ANO3: variants seen among roughly 807,000 people sequenced by gnomAD.
ANO3 encodes the protein anoctamin 3.
In ANO3, 99 loss-of-function variants were observed where a neutral mutation model predicts 144.8. The ratio of observed to expected loss-of-function variants is 0.68; its 90% confidence interval spans 0.58 to 0.81. ANO3 has a LOEUF of 0.81. Ranked by LOEUF, ANO3 falls within the 30% of genes least tolerant of loss-of-function variation. The pLI is 0.00. For missense variants in ANO3, 905 were observed against 1,202.2 expected, an observed-to-expected ratio of 0.75 and a Z score of 3.66; for synonymous variants, 414 against 392.6, an observed-to-expected ratio of 1.05 and a Z score of -0.64.
chr11:26,273,381 C>G (rs1208854501), intron 1 of ANO3, among the ~76,000 whole-genome samples: 1 of 151,652 alleles, frequency 6.6e-6, no homozygotes, highest in East Asian at 1.9e-4. Flanking sequence ...CTTTAAGGCT[C>G]ATTACACATG....
intron 1 of ANO3, among the ~76,000 whole-genome samples, chr11:26,383,461 A>G (rs1856640076): frequency 6.9e-6 from 1 of 145,902 alleles, no homozygotes; most frequent in South Asian, 2.1e-4. Flanking sequence ...TTCAACAATC[A>G]TGTTAGATTG....
At chr11:26,588,982 G>A (rs538820492) in intron 14 of ANO3, among the ~76,000 whole-genome samples, 3 of 152,168 alleles carry the variant, frequency 2.0e-5, no homozygotes, top group African/African-American at 7.2e-5. Flanking sequence ...TCTTTTAGTC[G>A]TTTGTACTCT....
intron 14 of ANO3, among the ~76,000 whole-genome samples, chr11:26,596,586 C>T (rs928127881): frequency 6.6e-6 from 1 of 152,128 alleles, no homozygotes; most frequent in Non-Finnish European, 1.5e-5. Context: ...AAGGACACAG[C>T]GTAGAGCTTC....
chr11:26,445,957 G>C (rs562489525), intron 3 of ANO3, among the ~76,000 whole-genome samples: 297 of 151,934 alleles, frequency 2.0e-3, no homozygotes, highest in Non-Finnish European at 3.7e-3. Flanking sequence ...TCAGCCTCCC[G>C]AGTAGCTGGG....
chr11:26,558,379 C>G (rs574091057), intron 13 of ANO3, among the ~76,000 whole-genome samples: 1 of 152,004 alleles, frequency 6.6e-6, no homozygotes, highest in Non-Finnish European at 1.5e-5. Context: ...GGAAAACAGA[C>G]AGCTGTTCAG....
At chr11:26,273,226 G>GTTTTTT (rs111972372) in intron 1 of ANO3, among the ~76,000 whole-genome samples, 5 of 127,760 alleles carry the variant, frequency 3.9e-5, no homozygotes, top group Non-Finnish European at 5.0e-5. Flanking sequence ...GCCTTTTAAA[G>GTTTTTT]TTTTTTTTTT....
chr11:26,194,196 T>C (rs1365138545), intron 1 of ANO3, among the ~76,000 whole-genome samples: 2 of 152,024 alleles, frequency 1.3e-5, no homozygotes, highest in African/African-American at 4.8e-5. Flanking sequence ...GGGCTCACAA[T>C]TTATATGAGG....
chr11:26,634,624 T>G (rs1307895612), intron 19 of ANO3, among the ~76,000 whole-genome samples: 1 of 152,182 alleles, frequency 6.6e-6, no homozygotes, highest in African/African-American at 2.4e-5. Flanking sequence ...AGCAGCATAT[T>G]AAACTAATGA....
At chr11:26,229,978 C>G (rs1467491408) in intron 1 of ANO3, among the ~76,000 whole-genome samples, 2 of 152,158 alleles carry the variant, frequency 1.3e-5, no homozygotes, top group Non-Finnish European at 2.9e-5. Flanking sequence ...TAGCCTCATT[C>G]TGTGTCAGGA....
chr11:26,194,619 G>A (rs142108391), intron 1 of ANO3, among the ~76,000 whole-genome samples: 6,558 of 152,040 alleles, frequency 0.043, 201 homozygotes, highest in Middle Eastern at 0.065. Flanking sequence ...TCCTGCCTCA[G>A]CCTCCCGAGT....
chr11:26,233,994 C>T (rs1221683817), intron 1 of ANO3, among the ~76,000 whole-genome samples: 3 of 151,532 alleles, frequency 2.0e-5, no homozygotes, highest in Non-Finnish European at 4.4e-5. Context: ...CTAATGTATG[C>T]GGGGGGCTGA....
intron 18 of ANO3, among the ~76,000 whole-genome samples, chr11:26,633,194 T>C (rs1852841354): frequency 6.6e-6 from 1 of 152,246 alleles, no homozygotes; most frequent in Non-Finnish European, 1.5e-5. Context: ...ATGAGACGTA[T>C]CTATTTTCTA....
chr11:26,227,279 T>C (rs978478719), intron 1 of ANO3, among the ~76,000 whole-genome samples: 3 of 152,200 alleles, frequency 2.0e-5, no homozygotes, highest in Non-Finnish European at 4.4e-5. Context: ...TATTGAAAAT[T>C]TATACTGTTG....
Position 26,318,516 on chromosome 11 carries a change from ATAGGAC to A in ANO3, c.-3+8800_-3+8805del, listed in dbSNP as rs1854680865. Reference sequence around the variant, plus strand: ...CTGTTAAAAGAAATAGAAACTTAGAATAGGACTAATCGGTAGGGAGACACGACTGAC... The same window carrying A: ...CTGTTAAAAGAAATAGAAACTTAGAATAATCGGTAGGGAGACACGACTGAC... On this transcript the variant is annotated intron_variant, in intron 1 of 26. Coordinates refer to the ANO3 transcript ENST00000525139. 2.0e-5 allele frequency among the ~76,000 whole-genome samples: 3 copies of A among 152,226 alleles called. No homozygotes were observed. The South Asian group carries it at 6.2e-4, about 31-fold the overall frequency.
chr11:26,341,780 G>A (rs1855367618), intron 1 of ANO3, among the ~76,000 whole-genome samples: 1 of 152,156 alleles, frequency 6.6e-6, no homozygotes, highest in African/African-American at 2.4e-5. Flanking sequence ...AAAGGCCCGG[G>A]AATCCCTGGC....
intron 3 of ANO3, among the ~76,000 whole-genome samples, chr11:26,454,928 T>C (rs1051810750): frequency 7.8e-5 from 11 of 141,906 alleles, no homozygotes; most frequent in African/African-American, 2.7e-4. Context: ...TATACGTAAA[T>C]CAATAAATGT....
chr11:26,234,489 T>C (rs748186799), intron 1 of ANO3, among the ~76,000 whole-genome samples: 8 of 152,174 alleles, frequency 5.3e-5, no homozygotes, highest in Non-Finnish European at 1.0e-4. Context: ...AAAGAAAATC[T>C]TAGAGACCAA....
chr11:26,424,220 A>G (rs1857847444), intron 1 of ANO3, among the ~76,000 whole-genome samples: 1 of 118,602 alleles, frequency 8.4e-6, no homozygotes, highest in African/African-American at 3.1e-5. Context: ...TGGCTTTTAT[A>G]CATGTTATTA....
At chr11:26,289,312 T>C (rs1205560819) in intron 1 of ANO3, among the ~76,000 whole-genome samples, 1 of 151,844 alleles carries the variant, frequency 6.6e-6, no homozygotes, top group Non-Finnish European at 1.5e-5. Flanking sequence ...CAACTGAGCA[T>C]ACTCAGTAAT....
Sources: allele counts gnomAD v4.1 joint callset (sites outside exome capture counted in the v4.1 genomes callset), GRCh38; gene constraint gnomAD v4.1.1; transcripts MANE v1.5; gene names NCBI Gene and HGNC (gene_info 2026-07-23, HGNC 2026-07-21).